The following NCMAP variants were observed in gnomAD, a reference collection of about 807,000 sequenced individuals.
NCMAP encodes the protein non-compact myelin associated protein.
Under a neutral mutation model 7.8 loss-of-function variants are expected in NCMAP, and 8 were observed. The observed-to-expected ratio is 1.02, with a 90% CI of 0.60 to 1.84. The LOEUF (loss-of-function observed/expected upper bound fraction) is 1.84. NCMAP is among the 40% of genes most tolerant of loss of function. NCMAP has a pLI of 0.00. For missense variants in NCMAP, 112 were observed against 131.4 expected (o/e 0.85, Z 0.72); for synonymous variants, 41 against 52.9 (o/e 0.78, Z 0.98).
Position 24,574,835 on chromosome 1 carries a change from G to A in NCMAP, c.-8+18666G>A, listed in dbSNP as rs188340952. On this transcript the variant is annotated intron_variant, in intron 1 of 3. Coordinates refer to ENST00000374392, the MANE Select transcript of NCMAP (RefSeq NM_001010980.5). ...TTTTGAGACGGAGTCTCACACTGTC[G>A]CCCAGTCTGGAGTGCAATGGCATGA... is the stretch of plus-strand genomic sequence containing the variant. Among the ~76,000 whole-genome samples, 10 of 142,116 alleles carry A rather than the reference G, an allele frequency of 7.0e-5. 1 individual carries two copies. Among genetic ancestry groups the A allele is most frequent in the African/African-American group, 1.9e-4 (7 of 37,646 alleles). The allele number at this position is 142,116 out of a possible 152,430, so 93.2% of individuals were successfully genotyped here.
chr1:24,557,090 G>A (rs1650917177), intron 1 of NCMAP, among the ~76,000 whole-genome samples: 1 of 152,188 alleles, frequency 6.6e-6, no homozygotes, highest in Non-Finnish European at 1.5e-5. Flanking sequence ...ATGAACATGA[G>A]CTATTAATGT....
At chr1:24,580,600 A>G (rs1385985341) in intron 1 of NCMAP, among the ~76,000 whole-genome samples, 1 of 152,006 alleles carries the variant, frequency 6.6e-6, no homozygotes, top group Non-Finnish European at 1.5e-5. Flanking sequence ...ACAGGCATGC[A>G]CCACCACACC....
intron 1 of NCMAP, among the ~76,000 whole-genome samples, chr1:24,558,016 G>C (rs919138387): frequency 2.9e-4 from 44 of 152,208 alleles, no homozygotes; most frequent in Non-Finnish European, 5.7e-4. Flanking sequence ...CCTTGAGGTA[G>C]AGCCACTCTA....
At chr1:24,595,851 A>C (rs1248051071) in intron 2 of NCMAP, among the ~76,000 whole-genome samples, 29 of 138,228 alleles carry the variant, frequency 2.1e-4, no homozygotes, top group Non-Finnish European at 3.5e-4. Flanking sequence ...TCTGTACCTC[A>C]GTTTCCTCAT....
intron 1 of NCMAP, among the ~76,000 whole-genome samples, chr1:24,584,431 C>A (rs935959221): frequency 6.6e-6 from 1 of 152,248 alleles, no homozygotes; most frequent in Admixed American, 6.5e-5. Context: ...CTTATCATAT[C>A]TGCAGGTCTT....
rs555533925 is a variant in NCMAP, at chr1:24,557,532, C to T, written c.-8+1363C>T. On this transcript the variant is annotated intron_variant, in intron 1 of 3. Coordinates refer to ENST00000374392, the MANE Select transcript of NCMAP (RefSeq NM_001010980.5). Reference sequence around the variant, plus strand: ...CAGAGCACCGGGATAGAAGAGGGCACATAATACCCTGGAATCCTGAGTCCC... The same window carrying T: ...CAGAGCACCGGGATAGAAGAGGGCATATAATACCCTGGAATCCTGAGTCCC... Among the ~76,000 whole-genome samples the T allele has an allele frequency of 2.6e-5, 4 of 152,206 alleles. No homozygotes were observed. In the South Asian group the frequency reaches 8.3e-4, roughly 32 times the overall value.
At chr1:24,577,255 C>T (rs1164359610) in intron 1 of NCMAP, among the ~76,000 whole-genome samples, 1 of 152,058 alleles carries the variant, frequency 6.6e-6, no homozygotes, top group African/African-American at 2.4e-5. Flanking sequence ...AATTGTCATC[C>T]TTAACTCATT....
At chr1:24,567,375 G>A (rs908802503) in intron 1 of NCMAP, among the ~76,000 whole-genome samples, 8 of 152,142 alleles carry the variant, frequency 5.3e-5, no homozygotes, top group Non-Finnish European at 1.2e-4. Context: ...TCTCAGAGGA[G>A]GCTGACCTCC....
chr1:24,594,614 T>C (rs1652156594), intron 1 of NCMAP, among the ~76,000 whole-genome samples: 1 of 152,222 alleles, frequency 6.6e-6, no homozygotes, highest in African/African-American at 2.4e-5. Flanking sequence ...CAGCCTTTGT[T>C]CTCTTTCCCC....
intron 1 of NCMAP, among the ~76,000 whole-genome samples, chr1:24,590,150 G>A (rs1439318881): frequency 6.6e-6 from 1 of 152,204 alleles, no homozygotes; most frequent in African/African-American, 2.4e-5. Context: ...TGAGAGAAGG[G>A]GAAAGGAAAA....
At chr1:24,597,074 G>A (rs923686474) in intron 2 of NCMAP, among the ~76,000 whole-genome samples, 7 of 152,148 alleles carry the variant, frequency 4.6e-5, no homozygotes, top group African/African-American at 1.7e-4. Flanking sequence ...GGTCCCATGG[G>A]CTATCCTGCT....
chr1:24,602,057 A>G (rs1029306570), intron 3 of NCMAP, among the ~76,000 whole-genome samples: 19 of 150,236 alleles, frequency 1.3e-4, no homozygotes, highest in Admixed American at 1.2e-3. Context: ...AAAAAAAATC[A>G]TATATATATG....
chr1:24,573,952 C>CAAAAAAAAAAAAAAAAAAAAAAAAAAAAA (rs78594011), intron 1 of NCMAP, among the ~76,000 whole-genome samples: 21 of 84,428 alleles, frequency 2.5e-4, no homozygotes, highest in South Asian at 1.2e-3. Context: ...CCAGAGAGGA[C>CAAAAAAAAAAAAAAAAAAAAAAAAAAAAA]AAAAAAAAAA....
rs764863649 is a variant in NCMAP at position 24,605,640 on chromosome 1, G to C, written c.202G>C (p.Gly68Arg). 1.2e-6 allele frequency: 2 copies of C among 1,614,180 alleles called. No individual in the cohort carries two copies. The highest frequency in any genetic ancestry group is 4.5e-5 in the East Asian group (2 of 44,884). The change falls in exon 4 of 4, where the codon GGC becomes CGC. Residue 68 changes from glycine (G) to arginine (R), a missense_variant. By Grantham distance (125) the Gly-to-Arg change is moderately radical (BLOSUM62 -2). Transcript: ENST00000374392. ...MRTRRELEPK[G>R]PKPTAPSAVG... ...GACGAGGCGGGAACTAGAGCCCAAG[G>C]GCCCCAAGCCAACCGCCCCTTCTGC... is the stretch of plus-strand genomic sequence containing the variant.
chr1:24,600,963 G>A lies in NCMAP; in HGVS notation c.106G>A (p.Val36Ile), dbSNP rs142867139. The A allele has an allele frequency of 1.8e-3, 2,894 of 1,614,094 alleles. 1 individual carries two copies. Among genetic ancestry groups the A allele is most frequent in the Non-Finnish European group, 2.3e-3 (2,719 of 1,180,002 alleles). Residue 36 changes from valine to isoleucine, a missense_variant, in exon 3 of 4, where the codon GTT (valine) becomes ATT (isoleucine). Val to Ile is a conservative substitution (Grantham distance 29). Transcript: ENST00000374392. ...AGGTTCTGGAGCCATTGTTGCTGCC[G>A]TTGTGGTGGTTGTCATCATCATCTT... Reference protein sequence around the residue: ...YKSSGAIVAAVVVVVIIIFTV... With the variant: ...YKSSGAIVAAIVVVVIIIFTV...
chr1:24,577,764 G>A (rs12129478), intron 1 of NCMAP, among the ~76,000 whole-genome samples: 117,711 of 151,820 alleles, frequency 0.78, 45,845 homozygotes, highest in Non-Finnish European at 0.8. Context: ...GAAGTGACTC[G>A]GAAACCTCAG....
chr1:24,592,244 C>T (rs12092019), intron 1 of NCMAP, among the ~76,000 whole-genome samples: 29,326 of 151,978 alleles, frequency 0.19, 2,924 homozygotes, highest in African/African-American at 0.22. Context: ...ATTGCAGTGT[C>T]GACAGGGGGA....
rs533366444 is a variant in NCMAP at position 24,577,964 on chromosome 1, A to G, written c.-7-17460A>G. The stretch of plus-strand genomic sequence containing the variant: ...TTTGAATGAATTAGAAAAGAGGTCT[A>G]AAAAATGTACCAAATAGGCCAGGCA... On this transcript the variant is annotated intron_variant, in intron 1 of 3. Transcript: ENST00000374392. Among the ~76,000 whole-genome samples, 13 of 151,930 alleles carry G rather than the reference A, an allele frequency of 8.6e-5. 1 individual carries two copies. Among genetic ancestry groups the G allele is most frequent in the Middle Eastern group, 6.8e-3 (2 of 294 alleles).
chr1:24,593,454 C>G (rs1341337158), intron 1 of NCMAP, among the ~76,000 whole-genome samples: 2 of 152,094 alleles, frequency 1.3e-5, no homozygotes, highest in African/African-American at 4.8e-5. Flanking sequence ...GATTACATCA[C>G]TGCACTCCAG....
Sources: gnomAD v4.1 joint callset for allele counts (sites outside exome capture counted in the v4.1 genomes callset) on GRCh38, gnomAD v4.1.1 for gene constraint, MANE v1.5 for transcripts, NCBI Gene and HGNC (gene_info 2026-07-23, HGNC 2026-07-21) for gene names.